The following WAS variants were observed in gnomAD, a reference collection of about 807,000 sequenced individuals.
The protein encoded by WAS is actin nucleation-promoting factor WAS.
A neutral mutation model predicts 38.9 loss-of-function variants in WAS; 1 was observed. The ratio of observed to expected loss-of-function variants is 0.03; its 90% CI spans 0.01 to 0.12. The LOEUF is 0.12. Among genes scored for constraint, WAS ranks in the 10% least tolerant of loss-of-function variants. The pLI is 1.00. For synonymous variants in WAS, 182 were observed against 173.6 expected (o/e 1.05, Z -0.38); for missense variants, 311 against 431.2 (o/e 0.72, Z 2.47).
At chrX:48,682,252 A>C (rs1358227244), upstream of WAS, among the ~76,000 whole-genome samples, 1 of 112,150 alleles carries the variant, frequency 8.9e-6, no homozygotes, top group African/African-American at 3.2e-5. Context: ...GAGAATATGG[A>C]CACCCAGGCT....
In WAS at chrX:48,688,681, C is replaced by T. The variant is rs1216981272; in HGVS notation, c.953C>T (p.Pro318Leu). Residue 318 changes from proline to leucine, a missense_variant, in exon 10 of 12, where the codon CCG becomes CTG. Pro to Leu is a moderately conservative substitution (Grantham distance 98). Around this residue, in one of 4 missense-constraint regions of WAS, gnomAD observed 74 missense variants for 131.2 expected, o/e 0.56. Transcript: ENST00000376701. ...RRQEPLPPPPPPSRGGNQLPR... is the reference protein window; with the variant it reads ...RRQEPLPPPPLPSRGGNQLPR... ...ACAGAGCCACTTCCGCCGCCCCCAC[C>T]GCCATCTCGAGGAGGGAACCAGCTC... 7 of 1,200,126 alleles carry T rather than the reference C, an allele frequency of 5.8e-6. No individual in the cohort carries two copies. Among genetic ancestry groups the T allele is most frequent in the Non-Finnish European group, 7.9e-6 (7 of 889,706 alleles).
chrX:48,689,081 G>A lies in WAS; in HGVS notation c.1338+15G>A. ...AGCTGAACAAGGTGAGGACAGGCAG[G>A]ATGGAGGATTGGGGGTCTAGGACTC... On this transcript the variant is annotated intron_variant, in intron 10 of 11. Transcript: ENST00000376701. 1 of 1,193,689 alleles carries A rather than the reference G, an allele frequency of 8.4e-7. No homozygotes were observed. Among genetic ancestry groups the A allele is most frequent in the Admixed American group, 2.2e-5 (1 of 45,964 alleles).
upstream of WAS, among the ~76,000 whole-genome samples, chrX:48,682,175 C>T (rs189608406): frequency 1.9e-3 from 216 of 112,146 alleles, 2 homozygotes; most frequent in African/African-American, 6.5e-3. Flanking sequence ...GAGATGTGTG[C>T]GGGAGTGAAC....
rs1458417951 is a variant in WAS, at chrX:48,685,608, C to A, written c.335C>A (p.Pro112His). Residue 112 changes from proline to histidine, a missense_variant, in exon 3 of 12, where the codon CCC becomes CAC. Pro to His is a moderately conservative substitution (Grantham distance 77). This residue lies in a region of WAS where 64 missense variants were observed against 122.5 expected (regional missense o/e 0.52). Coordinates refer to ENST00000376701, the MANE Select transcript of WAS (RefSeq NM_000377.3). Reference sequence around the variant, plus strand: ...CAGCTTGTCTACTCCACCCCCACCCCCTTCTTCCACACCTTCGCTGGAGAT... The same window carrying A: ...CAGCTTGTCTACTCCACCCCCACCCACTTCTTCCACACCTTCGCTGGAGAT... The part of the protein sequence containing the change: ...YSQLVYSTPT[P>H]FFHTFAGDDC... 6 of 1,200,503 alleles carry A rather than the reference C, an allele frequency of 5.0e-6. No homozygotes were observed. The highest frequency in any genetic ancestry group is 5.6e-6 in the Non-Finnish European group (5 of 890,508).
Position 48,683,817 on chromosome X carries a change from C to T in WAS, c.-37C>T, listed in dbSNP as rs782555164. On this transcript the variant is annotated 5_prime_UTR_variant, in exon 1 of 12. Transcript: ENST00000376701. Reference sequence around the variant, plus strand: ...GAAGTTCCTCTTCTTACCCTGCACCCAGAGCCTCGCCAGAGAAGACAAGGG... The same window carrying T: ...GAAGTTCCTCTTCTTACCCTGCACCTAGAGCCTCGCCAGAGAAGACAAGGG... 1 of 1,207,715 alleles carries T rather than the reference C, an allele frequency of 8.3e-7. No homozygotes were observed. Among genetic ancestry groups the T allele is most frequent in the South Asian group, 1.8e-5 (1 of 56,618 alleles).
At chrX:48,681,956 C>T (rs2062401458), upstream of WAS, among the ~76,000 whole-genome samples, 1 of 112,087 alleles carries the variant, frequency 8.9e-6, no homozygotes, top group Non-Finnish European at 1.9e-5. Flanking sequence ...ACCTGCTCAG[C>T]TCCCCCAAAC....
chrX:48,677,510 T>C (rs955951635), intron 1 of WAS, among the ~76,000 whole-genome samples: 1 of 112,144 alleles, frequency 8.9e-6, no homozygotes, highest in Non-Finnish European at 1.9e-5. Context: ...TTAACTACTA[T>C]TATCATCTTC....
upstream of WAS, among the ~76,000 whole-genome samples, chrX:48,682,018 A>G (rs1452932752): frequency 7.1e-5 from 8 of 112,047 alleles, no homozygotes; most frequent in African/African-American, 2.3e-4. Flanking sequence ...TACCTCATAC[A>G]TGGGGAAACT....
intron 4 of WAS, 27 bp from the exon 5 acceptor site, chrX:48,685,919 C>T: frequency 8.3e-7 from 1 of 1,211,471 alleles, no homozygotes; most frequent in Non-Finnish European, 1.1e-6. Context: ...CTCTCATGGT[C>T]CTGGCTCCCA....
chrX:48,686,211 G>T (rs2737796), intron 6 of WAS, 77 bp downstream of exon 6: 4 of 1,100,365 alleles, frequency 3.6e-6, no homozygotes, highest in Non-Finnish European at 5.0e-6. Context: ...GGATGGGTGC[G>T]TAAGTGGGTG....
upstream of WAS, among the ~76,000 whole-genome samples, chrX:48,682,176 G>A (rs1158414024): frequency 3.6e-5 from 4 of 112,217 alleles, no homozygotes; most frequent in East Asian, 2.8e-4. Flanking sequence ...AGATGTGTGC[G>A]GGAGTGAACA....
upstream of WAS, chrX:48,683,268 T>G (rs1257648908): frequency 9.0e-6 from 1 of 111,439 alleles, no homozygotes; most frequent in African/African-American, 3.3e-5. Flanking sequence ...TATTTTTTAG[T>G]GGAAATGGGG....
chrX:48,686,036 C>T (rs1557006640), intron 5 of WAS, 45 bp from the exon 6 acceptor site: 4 of 1,210,566 alleles, frequency 3.3e-6, no homozygotes, highest in Middle Eastern at 2.3e-4. Flanking sequence ...GCCCAGGAAC[C>T]TGTGGCAGGG....
chrX:48,682,962 A>G (rs781884443), upstream of WAS, among the ~76,000 whole-genome samples: 22 of 110,761 alleles, frequency 2.0e-4, no homozygotes, highest in Non-Finnish European at 3.6e-4. Context: ...AGGCAAGGGT[A>G]AGGGATGGGG....
chrX:48,686,257 G>A, intron 6 of WAS, 123 bp downstream of exon 6: 11 of 858,913 alleles, frequency 1.3e-5, no homozygotes, highest in Non-Finnish European at 1.7e-5. Flanking sequence ...GTGGATGGAC[G>A]AGCAGGTGCA....
chrX:48,680,228 C>T (rs2062398119), upstream of WAS, among the ~76,000 whole-genome samples: 1 of 111,639 alleles, frequency 9.0e-6, no homozygotes, highest in African/African-American at 3.3e-5. Flanking sequence ...AATATCATCG[C>T]CCCTATTCCT....
At chrX:48,676,696 C>G (rs2062391680) in exon 1 of WAS, 1 of 112,895 alleles carries the variant, frequency 8.9e-6, no homozygotes, top group Non-Finnish European at 1.9e-5. Flanking sequence ...CCAGGACTGG[C>G]CGACCCGGCC....
intron 6 of WAS, 91 bp downstream of exon 6, chrX:48,686,225 G>A (rs1776245956): frequency 4.8e-6 from 5 of 1,033,051 alleles, no homozygotes; most frequent in Non-Finnish European, 6.8e-6. Context: ...GTGGGTGAAT[G>A]GATAGGTAGA....
At position 48,685,748 on chromosome X, in the gene WAS, G is replaced by A. The variant is rs1557006539; in HGVS notation, c.375G>A (p.Gly125=). 1 of 1,179,288 alleles carries A rather than the reference G, an allele frequency of 8.5e-7. No homozygotes were observed. Among genetic ancestry groups the A allele is most frequent in the East Asian group, 3.2e-5 (1 of 31,737 alleles). Reference sequence around the variant, plus strand: ...GGTATGTGCAGGACTGCCAAGCGGGGCTGAACTTTGCAGACGAGGACGAGG... The same window carrying A: ...GGTATGTGCAGGACTGCCAAGCGGGACTGAACTTTGCAGACGAGGACGAGG... The part of the protein sequence containing the change: ...HTFAGDDCQA[G]LNFADEDEAQ... The change falls in exon 4 of 12, where the codon GGG becomes GGA. Residue 125 remains glycine (G), a synonymous_variant. Coordinates refer to ENST00000376701, the MANE Select transcript of WAS (RefSeq NM_000377.3).
Sources: allele counts gnomAD v4.1 joint callset (sites outside exome capture counted in the v4.1 genomes callset), GRCh38; gene constraint gnomAD v4.1.1; regional missense constraint gnomAD v4.1.1; transcripts MANE v1.5; gene names NCBI Gene and HGNC (gene_info 2026-07-23, HGNC 2026-07-21).